Variants in BPHL observed in about 807,000 individuals in gnomAD.
The protein encoded by BPHL is serine hydrolase BPHL.
In BPHL, 27 loss-of-function variants were observed where a neutral mutation model predicts 31.2. That is an observed-to-expected ratio of 0.87 (90% CI 0.64 to 1.19). The LOEUF is 1.19. Among genes scored for constraint, BPHL ranks in the 50% most tolerant of loss-of-function variants. The pLI is 0.00. For missense variants in BPHL, 356 were observed against 375.7 expected, an observed-to-expected ratio of 0.95 and a Z score of 0.43; for synonymous variants, 150 against 146.8, an observed-to-expected ratio of 1.02 and a Z score of -0.16.
rs1400998621 is a variant in BPHL, at chr6:3,149,876, G to C, written c.789-2612G>C. ...ACTCCTGACCTCAAGTGATCCACCT[G>C]CCTCGGCCTCCCAAAATGCTGGGAT... On this transcript the variant is annotated intron_variant, in intron 6 of 6. Transcript: ENST00000380379. This position sits in a 1 kb window ranked among gnomAD's most constrained non-coding sequence, Gnocchi z 4.6. The C allele has an allele frequency of 6.6e-6, 1 of 152,188 alleles. No homozygotes were observed. The highest frequency in any genetic ancestry group is 2.4e-5 in the African/African-American group (1 of 41,426). The allele number at this position is 152,188 out of a possible 1,614,324, so 9.4% of individuals were successfully genotyped here. A position where few individuals can be genotyped will look rare whatever the true frequency, so the allele number is the denominator to read the frequency against.
rs563504632 is a variant in BPHL, at chr6:3,128,164, G to T, written c.378+756G>T. On this transcript the variant is annotated intron_variant, in intron 3 of 6. Coordinates refer to ENST00000380379, the MANE Select transcript of BPHL (RefSeq NM_004332.4). ...AGTAGATAATTAACTTAATTTTTAA[G>T]TTGCCTTTTTCTGCTGTTATAAATA... 2.6e-5 allele frequency among the ~76,000 whole-genome samples: 4 copies of T among 152,270 alleles called. No homozygotes were observed. In the East Asian group the frequency reaches 7.7e-4, roughly 29 times the overall value.
At chr6:3,118,616 AGGGCGGAGCAGGATGGAGAGGCGAGGT>A (rs1761455957), upstream of BPHL, 2 of 636,338 alleles carry the variant, frequency 3.1e-6, no homozygotes, top group South Asian at 1.6e-4. Context: ...GGGCGGGCAG[AGGGCGGAGCAGGATGGAGAGGCGAGGT>A]GGGCGGAGCA....
intron 6 of BPHL, among the ~76,000 whole-genome samples, chr6:3,143,517 G>A (rs1274685690): frequency 1.3e-5 from 2 of 152,200 alleles, no homozygotes; most frequent in African/African-American, 4.8e-5. Flanking sequence ...TTTTTAGTCG[G>A]TTGAAGCCCT....
At position 3,140,440 on chromosome 6, in the gene BPHL, A is replaced by G. The variant is rs1762142415; in HGVS notation, c.719A>G (p.His240Arg). The G allele has an allele frequency of 1.9e-6, 3 of 1,614,146 alleles. No homozygotes were observed. In the East Asian group the frequency reaches 6.7e-5, roughly 36 times the overall value. The change falls in exon 6 of 7, where the codon CAC (histidine) becomes CGC (arginine). Residue 240 changes from histidine to arginine, a missense_variant. His to Arg is a conservative substitution (Grantham distance 29, BLOSUM62 0). Transcript: ENST00000380379. The surrounding 1 kb of genome is among the most constrained non-coding windows in gnomAD (Gnocchi z 5.2). ...GTCCAGTGCCCCGCCTTGATTGTGC[A>G]CGGTGAGAAGGATCCTCTGGTCCCA... ...PRVQCPALIV[H>R]GEKDPLVPRF... is the part of the protein sequence containing the mutation.
At chr6:3,136,227 C>G (rs1194238279) in intron 4 of BPHL, among the ~76,000 whole-genome samples, 2 of 152,180 alleles carry the variant, frequency 1.3e-5, no homozygotes, top group African/African-American at 4.8e-5. Context: ...TTTTGCTAGC[C>G]ATCTTCACAC....
chr6:3,126,068 C>T (rs1348952390), intron 2 of BPHL, among the ~76,000 whole-genome samples: 1 of 152,302 alleles, frequency 6.6e-6, no homozygotes, highest in South Asian at 2.1e-4. Flanking sequence ...GCCAAGCTCC[C>T]TGCAGGCCCA....
chr6:3,144,698 T>C (rs1762278508), intron 6 of BPHL, among the ~76,000 whole-genome samples: 1 of 152,240 alleles, frequency 6.6e-6, no homozygotes, highest in Admixed American at 6.5e-5. Context: ...AGCCTCTTTA[T>C]TCATATCTCT....
rs965342226 is a variant in BPHL, at chr6:3,127,409, G to A, written c.378+1G>A. The A allele has an allele frequency of 1.9e-6, 3 of 1,598,660 alleles. No homozygotes were observed. The African/African-American group carries it at 4.0e-5, about 22-fold the overall frequency. ...AAAAGATGCTGTTGATTTGATGAAG[G>A]TAGGTCTCTGAGGGAAGGGCCAGGG... On this transcript the variant is annotated splice_donor_variant, in intron 3 of 6. Coordinates refer to ENST00000380379, the MANE Select transcript of BPHL (RefSeq NM_004332.4). LOFTEE classifies it high-confidence loss of function.
chr6:3,129,944 T>C (rs1761827685), intron 4 of BPHL, among the ~76,000 whole-genome samples: 1 of 151,894 alleles, frequency 6.6e-6, no homozygotes, highest in African/African-American at 2.4e-5. Flanking sequence ...GTAGCTGGGA[T>C]TACAGGCATG....
At chr6:3,122,065 G>T (rs559476144) in intron 1 of BPHL, among the ~76,000 whole-genome samples, 26 of 152,116 alleles carry the variant, frequency 1.7e-4, no homozygotes, top group Middle Eastern at 3.4e-3. Context: ...AGATCACGAG[G>T]TCAGGAGATT....
intron 6 of BPHL, among the ~76,000 whole-genome samples, chr6:3,143,601 A>G (rs993259610): frequency 4.6e-5 from 7 of 152,230 alleles, no homozygotes; most frequent in African/African-American, 1.7e-4. Context: ...GACAGCAGTG[A>G]TGGGGAGCAG....
chr6:3,132,120 ACT>A (rs1561792789), intron 4 of BPHL, among the ~76,000 whole-genome samples: 1 of 151,140 alleles, frequency 6.6e-6, no homozygotes, highest in Non-Finnish European at 1.5e-5. Flanking sequence ...CCTCCTGGCT[ACT>A]CTTTCTTTTT....
intron 6 of BPHL, among the ~76,000 whole-genome samples, chr6:3,148,712 T>A (rs2113779310): frequency 6.6e-6 from 1 of 152,340 alleles, no homozygotes; most frequent in Non-Finnish European, 1.5e-5. Flanking sequence ...GCTTGTGGGC[T>A]CGTTACAGGA....
intron 6 of BPHL, among the ~76,000 whole-genome samples, chr6:3,146,534 T>G (rs1291367734): frequency 1.5e-4 from 2 of 13,344 alleles, no homozygotes; most frequent in African/African-American, 3.4e-4. Context: ...GAGTGCTGGT[T>G]TGGGTCGAGT....
At chr6:3,148,687 T>C (rs1762443592) in intron 6 of BPHL, among the ~76,000 whole-genome samples, 1 of 152,192 alleles carries the variant, frequency 6.6e-6, no homozygotes, top group Non-Finnish European at 1.5e-5. Context: ...GGGAAAACCA[T>C]CAGCTCCACA....
chr6:3,134,652 C>G (rs1761962820), intron 4 of BPHL, among the ~76,000 whole-genome samples: 1 of 146,280 alleles, frequency 6.8e-6, no homozygotes, highest in Non-Finnish European at 1.5e-5. Flanking sequence ...GTCACCCAGG[C>G]TGCGCAGTGG....
rs138764010 is a variant in BPHL at position 3,121,431 on chromosome 6, C to T, written c.108-2226C>T. Among the ~76,000 whole-genome samples the T allele has an allele frequency of 3.4e-4, 52 of 151,042 alleles. No homozygotes were observed. In the East Asian group the frequency reaches 9.1e-3, roughly 26 times the overall value. The stretch of plus-strand genomic sequence containing the variant: ...TCCCCTGCCTCAGCCTTCTGAGTAG[C>T]TGGGATTACAGGTGTGCACCACCAT... On this transcript the variant is annotated intron_variant, in intron 1 of 6. Coordinates refer to ENST00000380379, the MANE Select transcript of BPHL (RefSeq NM_004332.4).
At chr6:3,137,564 A>C (rs2113763467) in intron 5 of BPHL, 71 bp downstream of exon 5, 1 of 1,587,948 alleles carries the variant, frequency 6.3e-7, no homozygotes, top group East Asian at 2.2e-5. Context: ...AGTGTTCTGG[A>C]ATTGCTCAGT....
rs1392992741 is a variant in BPHL, at chr6:3,146,197, G to A, written c.788+5688G>A. 9.0e-5 allele frequency among the ~76,000 whole-genome samples: 5 copies of A among 55,630 alleles called. 1 individual carries two copies. Among genetic ancestry groups the A allele is most frequent in the Admixed American group, 2.9e-4 (2 of 6,976 alleles). 36.5% of individuals were successfully genotyped at this position (55,630 alleles called of 152,430 possible). ...CTGGTTCGGGGTGGAGTGCTGGTTC[G>A]GGGTGGAGTGCTGGTGTGGGTTGGA... On this transcript the variant is annotated intron_variant, in intron 6 of 6. Transcript: ENST00000380379.
Sources: gnomAD v4.1 joint callset for allele counts (sites outside exome capture counted in the v4.1 genomes callset) on GRCh38, gnomAD v4.1.1 for gene constraint, Gnocchi (gnomAD v3.1) non-coding constraint, MANE v1.5 for transcripts, NCBI Gene and HGNC (gene_info 2026-07-23, HGNC 2026-07-21) for gene names.